Variants in RASGRP4 observed in about 807,000 individuals in gnomAD.
The protein encoded by RASGRP4 is RAS guanyl-releasing protein 4.
A neutral mutation model predicts 84.4 loss-of-function variants in RASGRP4; 52 were observed. The observed-to-expected ratio is 0.62, with a 90% CI of 0.49 to 0.78. The LOEUF is 0.78. Ranked by LOEUF, RASGRP4 falls within the 30% of genes least tolerant of loss-of-function variation. The pLI is 0.00. For missense variants in RASGRP4, 760 were observed against 886.9 expected (o/e 0.86, Z 1.82); for synonymous variants, 356 against 359.1 (o/e 0.99, Z 0.10).
intron 1 of RASGRP4, 63 bp from the exon 2 acceptor site, chr19:38,422,216 T>C: frequency 6.8e-7 from 1 of 1,467,308 alleles, no homozygotes; most frequent in Admixed American, 2.1e-5. Flanking sequence ...CTAGAATTCC[T>C]TTTGACTCTA....
chr19:38,410,381 C>T (rs1339360704), intron 16 of RASGRP4, among the ~76,000 whole-genome samples: 1 of 151,820 alleles, frequency 6.6e-6, no homozygotes, highest in Non-Finnish European at 1.5e-5. Context: ...ATTGTCCCCA[C>T]CCTACCCCCA....
chr19:38,423,247 C>A (rs1055211292), intron 1 of RASGRP4, among the ~76,000 whole-genome samples: 1 of 152,180 alleles, frequency 6.6e-6, no homozygotes, highest in African/African-American at 2.4e-5. Flanking sequence ...GCTCTTGGAC[C>A]AGTGTGATGG....
rs527416058 is a variant in RASGRP4 at position 38,414,943 on chromosome 19, G to C, written c.1135C>G (p.Leu379Val). The C allele has an allele frequency of 1.2e-6, 2 of 1,613,564 alleles. No individual in the cohort carries two copies. Among genetic ancestry groups the C allele is most frequent in the Non-Finnish European group, 1.7e-6 (2 of 1,179,750 alleles). Residue 379 changes from leucine to valine, a missense_variant, in exon 9 of 17, where the codon CTG (leucine) becomes GTG (valine). Coordinates refer to ENST00000615439, the MANE Select transcript of RASGRP4 (RefSeq NM_170604.3). ...TGCAGCCGCAGGTAGAGGTTGTTCAGCTTGGGTAGGTGCAGGCGGCCGTCA... is the reference window on the plus strand; with the variant it reads ...TGCAGCCGCAGGTAGAGGTTGTTCACCTTGGGTAGGTGCAGGCGGCCGTCA... Reference protein sequence around the residue: ...LPDGRLHLPKLNNLYLRLQEL... With the variant: ...LPDGRLHLPKVNNLYLRLQEL...
rs1014453168 is a variant in RASGRP4, at chr19:38,418,614, C to G, written c.664-50G>C. ...TGGGCCGTGGCGCTCAGGCCCTGCC[C>G]TTCCATGGCATCCAACTAGCAGTCA... is the stretch of plus-strand genomic sequence containing the variant. On this transcript the variant is annotated intron_variant, in intron 6 of 16. Transcript: ENST00000615439. This position sits in a 1 kb window ranked among gnomAD's most constrained non-coding sequence, Gnocchi z 4.6. The G allele has an allele frequency of 2.5e-5, 36 of 1,437,948 alleles. No homozygotes were observed. The highest frequency in any genetic ancestry group is 3.3e-5 in the Non-Finnish European group (36 of 1,089,026). The allele number at this position is 1,437,948 out of a possible 1,614,324, so 89.1% of individuals were successfully genotyped here.
rs1280863977 is a variant in RASGRP4 at position 38,412,161 on chromosome 19, C to G, written c.1680+511G>C. Among the ~76,000 whole-genome samples the G allele has an allele frequency of 6.6e-6, 1 of 152,040 alleles. No individual in the cohort carries two copies. The highest frequency in any genetic ancestry group is 1.5e-5 in the Non-Finnish European group (1 of 68,014). On this transcript the variant is annotated intron_variant, in intron 13 of 16. Coordinates refer to ENST00000615439, the MANE Select transcript of RASGRP4 (RefSeq NM_170604.3). This position sits in a 1 kb window ranked among gnomAD's most constrained non-coding sequence, Gnocchi z 4.6. ...TGAGACAGAATCTCGCTCTGTCACC[C>G]AAGCTGGAGTGCAGTGCTGCGATCT... is the stretch of plus-strand genomic sequence containing the variant.
rs760331956 is a variant in RASGRP4, at chr19:38,414,836, A to G, written c.1230+12T>C. The G allele has an allele frequency of 2.5e-5, 40 of 1,575,244 alleles. No individual in the cohort carries two copies. Among genetic ancestry groups the G allele is most frequent in the Non-Finnish European group, 3.1e-5 (36 of 1,159,816 alleles). ...TTGGAAGCCCAGCCTGGGCGGGGCC[A>G]GGGGGGCTCACCGTGAGCAGGTGCA... On this transcript the variant is annotated intron_variant, in intron 9 of 16. Transcript: ENST00000615439.
chr19:38,414,741 T>C (rs959856459), intron 9 of RASGRP4, 107 bp downstream of exon 9: 2 of 1,190,682 alleles, frequency 1.7e-6, no homozygotes, highest in Admixed American at 2.9e-5. Flanking sequence ...TCAAAACCCA[T>C]GCACTCCAGC....
intron 6 of RASGRP4, 75 bp downstream of exon 6, chr19:38,419,785 T>C: frequency 1.4e-6 from 2 of 1,430,204 alleles, no homozygotes; most frequent in South Asian, 1.3e-5. Flanking sequence ...CTCTCAGTCC[T>C]ACCTTCCCCC....
rs376113991 is a variant in RASGRP4, at chr19:38,422,183, G to T, written c.24-30C>A. ...GGGCACAGCCCCCAAGGAGTCATGG[G>T]AGCACCTTCTTTCGGACAGACCCTA... On this transcript the variant is annotated intron_variant, in intron 1 of 16. Coordinates refer to ENST00000615439, the MANE Select transcript of RASGRP4 (RefSeq NM_170604.3). The T allele has an allele frequency of 3.2e-5, 50 of 1,579,012 alleles. No individual in the cohort carries two copies. The South Asian group carries it at 5.5e-4, about 17-fold the overall frequency.
intron 9 of RASGRP4, among the ~76,000 whole-genome samples, chr19:38,414,429 C>T (rs1438428319): frequency 6.6e-6 from 1 of 152,112 alleles, no homozygotes; most frequent in African/African-American, 2.4e-5. Flanking sequence ...CGGGTTCAAG[C>T]AATTCTCCTG....
At chr19:38,426,045 G>A (rs1971980761) in intron 1 of RASGRP4, 24 bp downstream of exon 1, 3 of 1,366,862 alleles carry the variant, frequency 2.2e-6, no homozygotes, top group Non-Finnish European at 9.5e-7. Flanking sequence ...GTGCTGCCGG[G>A]CTCCCTGGGG....
chr19:38,420,008 C>A lies in RASGRP4; in HGVS notation c.515G>T (p.Ser172Ile). The A allele has an allele frequency of 6.2e-7, 1 of 1,613,640 alleles. No homozygotes were observed. The highest frequency in any genetic ancestry group is 8.5e-7 in the Non-Finnish European group (1 of 1,179,600). Reference protein sequence around the residue: ...RRLGDSSDLLSPGGPGPPLPM... With the variant: ...RRLGDSSDLLIPGGPGPPLPM... ...GAGTGGGGGGCCAGGGCCACCAGGG[C>A]TCAGGCTGGGGGCCAAGAGGGGCAG... The change falls in exon 6 of 17, where the codon AGC becomes ATC. Residue 172 changes from serine (S) to isoleucine (I), a missense_variant. Coordinates refer to ENST00000615439, the MANE Select transcript of RASGRP4 (RefSeq NM_170604.3).
rs1971109889 is a variant in RASGRP4, at chr19:38,409,141, G to T, written c.*899C>A. 9 of 298,556 alleles carry T rather than the reference G, an allele frequency of 3.0e-5. No homozygotes were observed. Among genetic ancestry groups the T allele is most frequent in the East Asian group, 7.4e-5 (1 of 13,502 alleles). 18.5% of individuals were successfully genotyped at this position (298,556 alleles called of 1,614,324 possible). On this transcript the variant is annotated 3_prime_UTR_variant, in exon 17 of 17. Coordinates refer to ENST00000615439, the MANE Select transcript of RASGRP4 (RefSeq NM_170604.3). ...CAGGGGTGTTGGGGTTTGTGAAGGG[G>T]TTGGGGGGGTCTCTGCTCCCTGGGA... is the stretch of plus-strand genomic sequence containing the variant.
At position 38,419,840 on chromosome 19, in the gene RASGRP4, G is replaced by A. The variant is rs1437272708; in HGVS notation, c.663+20C>T. On this transcript the variant is annotated intron_variant, in intron 6 of 16. Coordinates refer to ENST00000615439, the MANE Select transcript of RASGRP4 (RefSeq NM_170604.3). ...CCAGTGTCTCCCCTGCTTGGGACGGGGATGGGAGGGGGTCCTCACCGTGAT... is the reference window on the plus strand; with the variant it reads ...CCAGTGTCTCCCCTGCTTGGGACGGAGATGGGAGGGGGTCCTCACCGTGAT... 1 of 1,569,666 alleles carries A rather than the reference G, an allele frequency of 6.4e-7. No homozygotes were observed. The highest frequency in any genetic ancestry group is 1.2e-5 in the South Asian group (1 of 85,868).
At chr19:38,410,506 G>A (rs1156344595) in intron 16 of RASGRP4, among the ~76,000 whole-genome samples, 7 of 150,204 alleles carry the variant, frequency 4.7e-5, no homozygotes, top group African/African-American at 7.4e-5. Flanking sequence ...TCTGCCTCCC[G>A]GGCTCAAGTG....
Position 38,412,083 on chromosome 19 carries a change from TTTGTTGTTGTTGTTGTTGTTGTTGTTG to T in RASGRP4, c.1680+562_1680+588del, listed in dbSNP as rs56791891. On this transcript the variant is annotated intron_variant, in intron 13 of 16. Coordinates refer to ENST00000615439, the MANE Select transcript of RASGRP4 (RefSeq NM_170604.3). This position sits in a 1 kb window ranked among gnomAD's most constrained non-coding sequence, Gnocchi z 4.6. ...CTACCCGGTTTGGAGATTATCCAGG[TTTGTTGTTGTTGTTGTTGTTGTTGTTG>T]TTGTTGTTGTTGTTGTTGTTGTTTT... Among the ~76,000 whole-genome samples, 7 of 128,692 alleles carry T rather than the reference TTTGTTGTTGTTGTTGTTGTTGTTGTTG, an allele frequency of 5.4e-5. No individual in the cohort carries two copies. Among genetic ancestry groups the T allele is most frequent in the East Asian group, 2.3e-4 (1 of 4,422 alleles). 84.4% of individuals were successfully genotyped at this position (128,692 alleles called of 152,430 possible).
chr19:38,422,751 T>C (rs559474487), intron 1 of RASGRP4, among the ~76,000 whole-genome samples: 6 of 152,132 alleles, frequency 3.9e-5, no homozygotes, highest in South Asian at 2.1e-4. Context: ...TTCTCCATTA[T>C]GGTGAGCTGC....
chr19:38,411,824 G>T (rs1971269291), intron 13 of RASGRP4, among the ~76,000 whole-genome samples: 4 of 152,218 alleles, frequency 2.6e-5, no homozygotes, highest in African/African-American at 9.6e-5. Context: ...CTGTATTCCT[G>T]CTGTAACCCC....
In RASGRP4 at chr19:38,422,010, C is replaced by A. The variant is rs1971774637; in HGVS notation, c.167G>T (p.Cys56Phe). Residue 56 changes from cysteine to phenylalanine, a missense_variant, in exon 2 of 17, where the codon TGC becomes TTC. Transcript: ENST00000615439. ...TTTCTCCAGCAGCTCATCTTCGCTG[C>A]AGCCGCCCTCACTCAGCAGGCCCAG... ...MNLGLLSEGG[C>F]SEDELLEKCI... The A allele has an allele frequency of 1.2e-6, 2 of 1,613,004 alleles. No homozygotes were observed. The highest frequency in any genetic ancestry group is 1.7e-6 in the Non-Finnish European group (2 of 1,179,602).
Sources: allele counts gnomAD v4.1 joint callset (sites outside exome capture counted in the v4.1 genomes callset), GRCh38; gene constraint gnomAD v4.1.1; non-coding constraint Gnocchi (gnomAD v3.1); transcripts MANE v1.5; gene names NCBI Gene and HGNC (gene_info 2026-07-23, HGNC 2026-07-21).